CSMD1: variants seen among roughly 807,000 people sequenced by gnomAD.
The protein encoded by CSMD1 is CUB and Sushi multiple domains 1.
CSMD1 carries 213 observed loss-of-function variants against 417.5 expected under a neutral mutation model. The ratio of observed to expected loss-of-function variants is 0.51; its 90% CI spans 0.46 to 0.57. The LOEUF (loss-of-function observed/expected upper bound fraction) is 0.57. Among genes scored for constraint, CSMD1 ranks in the 20% least tolerant of loss-of-function variants. The probability of loss-of-function intolerance (pLI) is 0.00; values close to 1 mark genes in which losing one functional copy is unlikely to be tolerated. For missense variants in CSMD1, 6,923 were observed against 4,529.7 expected, an observed-to-expected ratio of 1.53 and a Z score of -15.17; for synonymous variants, 2,862 against 1,736.8, an observed-to-expected ratio of 1.65 and a Z score of -16.11.
At chr8:3,146,354 A>T (rs1282579276) in intron 40 of CSMD1, among the ~76,000 whole-genome samples, 1 of 152,120 alleles carries the variant, frequency 6.6e-6, no homozygotes, top group Admixed American at 6.6e-5. Flanking sequence ...ATGGCACACA[A>T]CTATCAGGTT....
Position 4,141,647 on chromosome 8 carries a change from T to C in CSMD1, c.416-109548A>G, listed in dbSNP as rs1585405780. ...ATTTTCACCCTAATTCACAAGTTTT[T>C]TAAATCTCCAGATCTCTAAACTTCT... On this transcript the variant is annotated intron_variant, in intron 3 of 69. Coordinates refer to ENST00000635120, the MANE Select transcript of CSMD1 (RefSeq NM_033225.6). 1.5e-5 allele frequency among the ~76,000 whole-genome samples: 2 copies of C among 133,030 alleles called. 1 individual carries two copies. The highest frequency in any genetic ancestry group is 5.1e-5 in the African/African-American group (2 of 39,284). 87.3% of individuals were successfully genotyped at this position (133,030 alleles called of 152,430 possible). A position where few individuals can be genotyped will look rare whatever the true frequency, so the allele number is the denominator to read the frequency against.
chr8:4,894,185 A>G (rs372962908), intron 1 of CSMD1, among the ~76,000 whole-genome samples: 20 of 152,066 alleles, frequency 1.3e-4, no homozygotes, highest in African/African-American at 4.6e-4. Context: ...AGCTCTTTCT[A>G]TATGTCTTAT....
At chr8:4,167,056 G>A (rs749715181) in intron 3 of CSMD1, among the ~76,000 whole-genome samples, 31 of 152,022 alleles carry the variant, frequency 2.0e-4, no homozygotes, top group Admixed American at 1.2e-3. Context: ...AGCAACAAAC[G>A]GGGAGGAGAA....
chr8:4,670,935 C>A (rs1005896809), intron 1 of CSMD1, among the ~76,000 whole-genome samples: 1 of 152,198 alleles, frequency 6.6e-6, no homozygotes, highest in Non-Finnish European at 1.5e-5. Flanking sequence ...ATTGAGCAGT[C>A]ATATAACAAA....
At chr8:4,113,601 T>C (rs148474521) in intron 3 of CSMD1, among the ~76,000 whole-genome samples, 2,947 of 152,138 alleles carry the variant, frequency 0.019, 94 homozygotes, top group African/African-American at 0.068. Context: ...AGACAGAGTT[T>C]CACTGTGTTA....
At chr8:3,506,921 C>G (rs1458370287) in intron 10 of CSMD1, among the ~76,000 whole-genome samples, 3 of 152,096 alleles carry the variant, frequency 2.0e-5, no homozygotes, top group African/African-American at 4.8e-5. Context: ...GGCAACATCA[C>G]TTAATAAATG....
chr8:3,479,920 A>C (rs1193070664), intron 11 of CSMD1, among the ~76,000 whole-genome samples: 1 of 152,260 alleles, frequency 6.6e-6, no homozygotes, highest in South Asian at 2.1e-4. Flanking sequence ...CTAAAAGGAA[A>C]TTATGGAACT....
At chr8:4,645,910 T>C (rs1288069369) in intron 1 of CSMD1, among the ~76,000 whole-genome samples, 1 of 152,148 alleles carries the variant, frequency 6.6e-6, no homozygotes, top group Non-Finnish European at 1.5e-5. Context: ...AATATGAGGA[T>C]TTCAAGGCCA....
At chr8:4,135,282 G>C (rs895529942) in intron 3 of CSMD1, among the ~76,000 whole-genome samples, 4 of 151,166 alleles carry the variant, frequency 2.6e-5, no homozygotes, top group African/African-American at 7.3e-5. Context: ...CCATTAGAAG[G>C]AGGGAAGGAA....
chr8:4,870,825 G>A (rs866353307), intron 1 of CSMD1, among the ~76,000 whole-genome samples: 4 of 152,148 alleles, frequency 2.6e-5, no homozygotes, highest in Middle Eastern at 3.2e-3. Context: ...GAGTGCATTT[G>A]CTGGCTCCCC....
intron 25 of CSMD1, among the ~76,000 whole-genome samples, chr8:3,304,843 A>C (rs542558735): frequency 2.0e-5 from 3 of 152,140 alleles, no homozygotes; most frequent in Non-Finnish European, 4.4e-5. Context: ...AATTAATTCC[A>C]GTAAATTAAG....
chr8:3,475,142 A>C (rs899120774), intron 11 of CSMD1, among the ~76,000 whole-genome samples: 2 of 151,818 alleles, frequency 1.3e-5, no homozygotes, highest in Non-Finnish European at 2.9e-5. Flanking sequence ...GTCTTTGAAG[A>C]CTCTGAGGAT....
intron 1 of CSMD1, among the ~76,000 whole-genome samples, chr8:4,874,002 T>A (rs998123305): frequency 2.0e-5 from 3 of 152,114 alleles, no homozygotes; most frequent in Non-Finnish European, 4.4e-5. Flanking sequence ...AACCACTATA[T>A]GTGTTGTAAT....
chr8:3,078,341 G>C (rs557713297), intron 49 of CSMD1, among the ~76,000 whole-genome samples: 2 of 152,154 alleles, frequency 1.3e-5, no homozygotes, highest in Non-Finnish European at 2.9e-5. Context: ...TGGGATGCTC[G>C]ATGTGTGCTA....
At chr8:3,997,271 T>A (rs1249321103) in intron 5 of CSMD1, among the ~76,000 whole-genome samples, 2 of 152,232 alleles carry the variant, frequency 1.3e-5, no homozygotes, top group East Asian at 3.9e-4. Flanking sequence ...ATACTATTCT[T>A]GCAATCACGA....
At chr8:3,776,944 T>C (rs916010109) in intron 5 of CSMD1, among the ~76,000 whole-genome samples, 1 of 151,842 alleles carries the variant, frequency 6.6e-6, no homozygotes, top group Non-Finnish European at 1.5e-5. Flanking sequence ...CAACTCTTGA[T>C]CTCAAGTGAT....
chr8:3,315,987 C>T (rs951926661), intron 23 of CSMD1, among the ~76,000 whole-genome samples: 1 of 152,154 alleles, frequency 6.6e-6, no homozygotes, highest in South Asian at 2.1e-4. Context: ...TGAGACGTCT[C>T]AGTGAAATAA....
rs1339980291 is a variant in CSMD1, at chr8:3,779,599, G to T, written c.819-25557C>A. Among the ~76,000 whole-genome samples, 3 of 152,078 alleles carry T rather than the reference G, an allele frequency of 2.0e-5. No individual in the cohort carries two copies. The East Asian group carries it at 5.8e-4, about 29-fold the overall frequency. On this transcript the variant is annotated intron_variant, in intron 5 of 69. Coordinates refer to ENST00000635120, the MANE Select transcript of CSMD1 (RefSeq NM_033225.6). ...AAAGCAATTATGCTGCTGAATAACC[G>T]GGTATTTTAATAAAATATGGATAAT...
At chr8:4,881,074 G>A (rs1223404446) in intron 1 of CSMD1, among the ~76,000 whole-genome samples, 1 of 151,816 alleles carries the variant, frequency 6.6e-6, no homozygotes, top group African/African-American at 2.4e-5. Flanking sequence ...AGAGGACTCT[G>A]CCAGCTACTC....
Sources: gnomAD v4.1 joint callset for allele counts (sites outside exome capture counted in the v4.1 genomes callset) on GRCh38, gnomAD v4.1.1 for gene constraint, MANE v1.5 for transcripts, NCBI Gene and HGNC (gene_info 2026-07-23, HGNC 2026-07-21) for gene names.